The following SPTBN1 variants were observed in gnomAD, a reference collection of about 807,000 sequenced individuals.
SPTBN1 encodes the protein spectrin beta, non-erythrocytic 1.
SPTBN1 carries 32 observed loss-of-function variants against 266.4 expected under a neutral mutation model. That is an observed-to-expected ratio of 0.12 (90% CI 0.09 to 0.16). SPTBN1 has a LOEUF of 0.16. Ranked by LOEUF, SPTBN1 falls within the 10% of genes least tolerant of loss-of-function variation. SPTBN1 has a pLI of 1.00. For synonymous variants in SPTBN1, 1,336 were observed against 1,162.2 expected (o/e 1.15, Z -3.04); for missense variants, 2,296 against 3,067.1 (o/e 0.75, Z 5.94).
chr2:54,581,132 C>CGT (rs1674869326), intron 2 of SPTBN1, among the ~76,000 whole-genome samples: 1 of 151,878 alleles, frequency 6.6e-6, no homozygotes, highest in Non-Finnish European at 1.5e-5. Flanking sequence ...TATATACACA[C>CGT]ACACTTTATA....
intron 18 of SPTBN1, among the ~76,000 whole-genome samples, chr2:54,641,524 T>C (rs1679557542): frequency 6.6e-6 from 1 of 152,214 alleles, no homozygotes; most frequent in African/African-American, 2.4e-5. Context: ...ACATAGATAA[T>C]TTTTTCCAAG....
chr2:54,505,639 C>T (rs1343905227), intron 1 of SPTBN1, among the ~76,000 whole-genome samples: 1 of 152,110 alleles, frequency 6.6e-6, no homozygotes, highest in Non-Finnish European at 1.5e-5. Flanking sequence ...GGCTGGGTCT[C>T]CTAGGTGTCT....
intron 1 of SPTBN1, 132 bp downstream of exon 1, chr2:54,456,650 GC>G (rs1448735857): frequency 6.6e-6 from 1 of 151,212 alleles, no homozygotes; most frequent in Non-Finnish European, 1.5e-5. Context: ...CGCCTGCCCT[GC>G]GCCCGGGGAG....
intron 8 of SPTBN1, among the ~76,000 whole-genome samples, chr2:54,621,893 C>T (rs1678014527): frequency 6.6e-6 from 1 of 152,194 alleles, no homozygotes. Context: ...GTTTTCAAAA[C>T]ACCTCAGACC....
Position 54,671,208 on chromosome 2 carries a change from C to T in SPTBN1, c.*2639C>T, listed in dbSNP as rs1460741958. 2 of 159,690 alleles carry T rather than the reference C, an allele frequency of 1.3e-5. No individual in the cohort carries two copies. Among genetic ancestry groups the T allele is most frequent in the Non-Finnish European group, 2.7e-5 (2 of 73,290 alleles). 9.9% of individuals were successfully genotyped at this position (159,690 alleles called of 1,614,324 possible). On this transcript the variant is annotated 3_prime_UTR_variant, in exon 36 of 36. Transcript: ENST00000356805. ...AGTTGGGATGCATCTTCTGATGGCA[C>T]TTCCGGAACTGGCTGTGGTTTTTTT...
In SPTBN1 at chr2:54,631,282, T is replaced by G. The variant is rs879198834; in HGVS notation, c.3235T>G (p.Ser1079Ala). The change falls in exon 16 of 36, where the codon TCT becomes GCT. Residue 1079 changes from serine (S) to alanine (A), a missense_variant. Physicochemically the swap from Ser to Ala is moderately conservative, Grantham distance 99. Around this residue, in one of 12 missense-constraint regions of SPTBN1, gnomAD observed 18 missense variants for 50.3 expected, o/e 0.36. Coordinates refer to ENST00000356805, the MANE Select transcript of SPTBN1 (RefSeq NM_003128.3). ...RDLDDFQSWL[S>A]RTQTAIASED... ...CTTGGACGACTTCCAGTCCTGGCTC[T>G]CTAGGACCCAGACAGCGATCGCCTC... 6.8e-6 allele frequency: 11 copies of G among 1,614,028 alleles called. No individual in the cohort carries two copies. The highest frequency in any genetic ancestry group is 9.3e-6 in the Non-Finnish European group (11 of 1,180,004).
chr2:54,574,731 C>T (rs747091955), intron 2 of SPTBN1, among the ~76,000 whole-genome samples: 17 of 152,168 alleles, frequency 1.1e-4, no homozygotes, highest in Non-Finnish European at 1.9e-4. Flanking sequence ...AATTGCAGGT[C>T]ACACCCTTCC....
At chr2:54,510,593 G>A (rs983866174) in intron 1 of SPTBN1, among the ~76,000 whole-genome samples, 7 of 152,166 alleles carry the variant, frequency 4.6e-5, no homozygotes, top group African/African-American at 9.7e-5. Context: ...CAACTGCTTT[G>A]AAAGCATTTT....
intron 1 of SPTBN1, among the ~76,000 whole-genome samples, chr2:54,472,563 A>G (rs532918268): frequency 1.3e-5 from 2 of 152,062 alleles, no homozygotes; most frequent in East Asian, 1.9e-4. Context: ...TAGTCTCTCA[A>G]TTTTTTTCAA....
intron 18 of SPTBN1, among the ~76,000 whole-genome samples, chr2:54,638,799 A>T (rs1028677659): frequency 6.6e-6 from 1 of 152,204 alleles, no homozygotes; most frequent in African/African-American, 2.4e-5. Flanking sequence ...TGGGGGTAGA[A>T]TCAGGTCATA....
chr2:54,464,827 G>A (rs1203266137), intron 1 of SPTBN1, among the ~76,000 whole-genome samples: 1 of 151,984 alleles, frequency 6.6e-6, no homozygotes, highest in African/African-American at 2.4e-5. Flanking sequence ...GTAGTTGCAG[G>A]CGTGTACCAC....
intron 2 of SPTBN1, among the ~76,000 whole-genome samples, chr2:54,596,775 C>G (rs557694575): frequency 6.6e-6 from 1 of 152,192 alleles, no homozygotes; most frequent in Admixed American, 6.5e-5. Flanking sequence ...CGGCACAGAT[C>G]TCAGTCTGTT....
At chr2:54,610,844 T>A (rs894375227) in intron 3 of SPTBN1, among the ~76,000 whole-genome samples, 2 of 152,226 alleles carry the variant, frequency 1.3e-5, no homozygotes, top group Non-Finnish European at 2.9e-5. Context: ...GTTTACAGTA[T>A]TGCACTAGAC....
intron 2 of SPTBN1, among the ~76,000 whole-genome samples, chr2:54,532,027 C>T (rs904083788): frequency 2.0e-5 from 3 of 152,074 alleles, no homozygotes; most frequent in African/African-American, 7.2e-5. Flanking sequence ...CAGTGGCTCA[C>T]GTTTGTAATC....
intron 15 of SPTBN1, 27 bp from the exon 16 acceptor site, chr2:54,630,828 A>G (rs368850547): frequency 5.2e-5 from 80 of 1,532,502 alleles, no homozygotes; most frequent in African/African-American, 3.5e-4. Context: ...CCTTTTTCAC[A>G]CTCGCTGTCT....
intron 1 of SPTBN1, among the ~76,000 whole-genome samples, chr2:54,483,931 A>T (rs1483014473): frequency 6.6e-6 from 1 of 152,104 alleles, no homozygotes; most frequent in Non-Finnish European, 1.5e-5. Context: ...ATGGTAGCTC[A>T]TGCCTGTAAT....
chr2:54,505,578 A>G (rs1018157221), intron 1 of SPTBN1, among the ~76,000 whole-genome samples: 2 of 152,118 alleles, frequency 1.3e-5, no homozygotes, highest in African/African-American at 4.8e-5. Context: ...CTGCCTGCAC[A>G]TACCTGCCAG....
At chr2:54,472,022 GTTTTTTT>G (rs768988675) in intron 1 of SPTBN1, among the ~76,000 whole-genome samples, 39 of 66,806 alleles carry the variant, frequency 5.8e-4, no homozygotes, top group African/African-American at 2.1e-3. Context: ...CCCTGAAGAT[GTTTTTTT>G]TTTTTTTTTT....
intron 1 of SPTBN1, among the ~76,000 whole-genome samples, chr2:54,522,697 G>GAGAGAGAGAGAGAAAGAA (rs1553439438): frequency 3.1e-5 from 3 of 97,270 alleles, no homozygotes; most frequent in Non-Finnish European, 6.2e-5. Flanking sequence ...GAGAGAGAGA[G>GAGAGAGAGAGAGAAAGAA]AGAAAGAAAG....
Sources: allele counts gnomAD v4.1 joint callset (sites outside exome capture counted in the v4.1 genomes callset), GRCh38; gene constraint gnomAD v4.1.1; regional missense constraint gnomAD v4.1.1; transcripts MANE v1.5; gene names NCBI Gene and HGNC (gene_info 2026-07-23, HGNC 2026-07-21).